Variants in GABRG1 observed in about 807,000 individuals in gnomAD.
GABRG1 encodes the protein gamma-aminobutyric acid type A receptor subunit gamma1.
Under a neutral mutation model 49.8 loss-of-function variants are expected in GABRG1, and 49 were observed. That is an observed-to-expected ratio of 0.98 (90% CI 0.78 to 1.25). GABRG1 has a LOEUF of 1.25. Among genes scored for constraint, GABRG1 ranks in the 50% most tolerant of loss-of-function variants. GABRG1 has a pLI of 0.00. For synonymous variants in GABRG1, 232 were observed against 185.1 expected (o/e 1.25, Z -2.06); for missense variants, 552 against 552.3 (o/e 1.00, Z 0.01).
At position 46,106,382 on chromosome 4, in the gene GABRG1, G is replaced by A. The variant is rs147077038; in HGVS notation, c.105-9033C>T. 3.3e-3 allele frequency among the ~76,000 whole-genome samples: 499 copies of A among 151,386 alleles called. 2 individuals are homozygous for A. The highest frequency in any genetic ancestry group is 0.012 in the African/African-American group (477 of 41,386). ...ATTAGTCATTTATGTATTTACATTG[G>A]TTTGTTTGGTTTGTCTAAGTGCAAT... On this transcript the variant is annotated intron_variant, in intron 1 of 8. Coordinates refer to ENST00000295452, the MANE Select transcript of GABRG1 (RefSeq NM_173536.4).
At chr4:46,058,448 T>C (rs760149181) in intron 6 of GABRG1, 37 bp downstream of exon 6, 2 of 1,605,014 alleles carry the variant, frequency 1.2e-6, no homozygotes, top group African/African-American at 1.3e-5. Context: ...TGTCATTTAA[T>C]GCTAGCATCA....
chr4:46,073,986 C>T (rs893854587), intron 3 of GABRG1, among the ~76,000 whole-genome samples: 4 of 152,106 alleles, frequency 2.6e-5, no homozygotes, highest in African/African-American at 9.7e-5. Context: ...CACACTCAAA[C>T]TATACTTCCC....
rs771830285 is a variant in GABRG1 at position 46,065,362 on chromosome 4, A to G, written c.542+2T>C. 1 of 1,548,916 alleles carries G rather than the reference A, an allele frequency of 6.5e-7. No individual in the cohort carries two copies. Among genetic ancestry groups the G allele is most frequent in the Non-Finnish European group, 8.9e-7 (1 of 1,121,650 alleles). On this transcript the variant is annotated splice_donor_variant, in intron 4 of 8. Coordinates refer to ENST00000295452, the MANE Select transcript of GABRG1 (RefSeq NM_173536.4). LOFTEE classifies it high-confidence loss of function. ...AACTACAGATTTTTAAACCAATATT[A>G]CCTTAGAGTATACAGAACTCGTCCA...
intron 1 of GABRG1, among the ~76,000 whole-genome samples, chr4:46,099,567 T>C (rs1720305786): frequency 6.6e-6 from 1 of 151,728 alleles, no homozygotes; most frequent in Non-Finnish European, 1.5e-5. Context: ...ACTTTGAGAA[T>C]ACAAATTGAG....
rs1720426973 is a variant in GABRG1 at position 46,102,888 on chromosome 4, C to G, written c.105-5539G>C. On this transcript the variant is annotated intron_variant, in intron 1 of 8. Transcript: ENST00000295452. The stretch of plus-strand genomic sequence containing the variant: ...TTATGAAGAAAATCCATCCTTATTA[C>G]TAGAGAAAAAAATATATGCCTATAG... 2.0e-5 allele frequency among the ~76,000 whole-genome samples: 3 copies of G among 151,568 alleles called. No homozygotes were observed. The South Asian group carries it at 6.2e-4, about 31-fold the overall frequency.
Position 46,038,950 on chromosome 4 carries a change from G to A in GABRG1, c.*2038C>T, listed in dbSNP as rs2109388655. On this transcript the variant is annotated 3_prime_UTR_variant, in exon 9 of 9. Coordinates refer to ENST00000295452, the MANE Select transcript of GABRG1 (RefSeq NM_173536.4). ...CATAGAACGTGGTTCAGAAGGAAAA[G>A]CTATTTATATCAAGCACTTTTAAGT... is the stretch of plus-strand genomic sequence containing the variant. The A allele has an allele frequency of 6.6e-6, 1 of 151,608 alleles. No homozygotes were observed. The highest frequency in any genetic ancestry group is 2.1e-4 in the South Asian group (1 of 4,820). The allele number at this position is 151,608 out of a possible 1,614,324, so 9.4% of individuals were successfully genotyped here.
Position 46,036,602 on chromosome 4 carries a change from G to C in GABRG1, c.*4386C>G, listed in dbSNP as rs1717535667. ...ACACACCATGTCTCTCAGTTATGTT[G>C]TCTGTTAGTCAAAGCTTAATGTCTG... is the stretch of plus-strand genomic sequence containing the variant. On this transcript the variant is annotated 3_prime_UTR_variant, in exon 9 of 9. Transcript: ENST00000295452. The C allele has an allele frequency of 6.6e-6, 1 of 151,778 alleles. No individual in the cohort carries two copies. The allele number at this position is 151,778 out of a possible 1,614,324, so 9.4% of individuals were successfully genotyped here. A position where few individuals can be genotyped will look rare whatever the true frequency, so the allele number is the denominator to read the frequency against.
chr4:46,080,356 T>G (rs930119668), intron 3 of GABRG1, among the ~76,000 whole-genome samples: 5 of 151,852 alleles, frequency 3.3e-5, no homozygotes, highest in African/African-American at 1.2e-4. Flanking sequence ...GAATTCTAAT[T>G]TCCCTGTATT....
chr4:46,069,868 T>C (rs1403417964), intron 3 of GABRG1, among the ~76,000 whole-genome samples: 2 of 152,042 alleles, frequency 1.3e-5, no homozygotes, highest in African/African-American at 4.8e-5. Context: ...GTAGAGATTA[T>C]TTTTAGTTAG....
At chr4:46,115,052 G>C (rs1720842137) in intron 1 of GABRG1, among the ~76,000 whole-genome samples, 1 of 150,618 alleles carries the variant, frequency 6.6e-6, no homozygotes, top group Non-Finnish European at 1.5e-5. Context: ...TTTAATACAG[G>C]TTTAATCAGA....
chr4:46,064,103 A>G (rs1356438620), intron 5 of GABRG1, among the ~76,000 whole-genome samples: 2 of 152,124 alleles, frequency 1.3e-5, no homozygotes, highest in African/African-American at 4.8e-5. Flanking sequence ...ACATGAATAT[A>G]ATTTGAATCA....
At chr4:46,089,682 G>T (rs149559436) in intron 2 of GABRG1, among the ~76,000 whole-genome samples, 1 of 152,068 alleles carries the variant, frequency 6.6e-6, no homozygotes, top group African/African-American at 2.4e-5. Flanking sequence ...AGGAAAATAG[G>T]CTAGGCATGG....
At chr4:46,063,201 G>A (rs918561672) in intron 5 of GABRG1, among the ~76,000 whole-genome samples, 13 of 152,030 alleles carry the variant, frequency 8.6e-5, no homozygotes, top group African/African-American at 1.4e-4. Context: ...AAAAAAGCCC[G>A]CATTGCCAAG....
chr4:46,068,531 A>G (rs993247358), intron 3 of GABRG1, among the ~76,000 whole-genome samples: 1 of 152,090 alleles, frequency 6.6e-6, no homozygotes, highest in South Asian at 2.1e-4. Context: ...AAAGTTTTCT[A>G]CTCACAGTTG....
intron 3 of GABRG1, among the ~76,000 whole-genome samples, chr4:46,071,829 CTT>C (rs766846008): frequency 4.6e-5 from 7 of 151,978 alleles, no homozygotes; most frequent in South Asian, 2.1e-4. Context: ...AAATGTCAAA[CTT>C]ATAATAAATT....
At chr4:46,060,366 C>T (rs1718627924) in intron 5 of GABRG1, among the ~76,000 whole-genome samples, 1 of 151,932 alleles carries the variant, frequency 6.6e-6, no homozygotes, top group South Asian at 2.1e-4. Context: ...TATTACACTA[C>T]CATCTTACAA....
At chr4:46,088,921 A>G (rs898976857) in intron 2 of GABRG1, among the ~76,000 whole-genome samples, 1 of 151,786 alleles carries the variant, frequency 6.6e-6, no homozygotes, top group African/African-American at 2.4e-5. Context: ...TAGGCAGCAG[A>G]CTTGGCAACC....
chr4:46,060,425 C>T (rs2109404363), intron 5 of GABRG1, among the ~76,000 whole-genome samples: 1 of 152,228 alleles, frequency 6.6e-6, no homozygotes, highest in East Asian at 1.9e-4. Flanking sequence ...TGTCAATGTC[C>T]TCAGGTCAAA....
intron 8 of GABRG1, among the ~76,000 whole-genome samples, chr4:46,050,043 G>A (rs1418883305): frequency 2.0e-5 from 3 of 151,806 alleles, no homozygotes; most frequent in South Asian, 2.1e-4. Flanking sequence ...ATAAGTAAAC[G>A]ATAAAATGGA....
Sources: allele counts gnomAD v4.1 joint callset (sites outside exome capture counted in the v4.1 genomes callset), GRCh38; gene constraint gnomAD v4.1.1; transcripts MANE v1.5; gene names NCBI Gene and HGNC (gene_info 2026-07-23, HGNC 2026-07-21).